The following PUDP variants were observed in gnomAD, a reference collection of about 807,000 sequenced individuals.
The protein encoded by PUDP is pseudouridine-5'-phosphatase.
In PUDP, 8 loss-of-function variants were observed where a neutral mutation model predicts 9.4. The observed-to-expected ratio is 0.85, with a 90% confidence interval of 0.50 to 1.53. The LOEUF (loss-of-function observed/expected upper bound fraction) is 1.53. Ranked by LOEUF, PUDP falls within the 40% of genes most tolerant of loss-of-function variation. The probability of loss-of-function intolerance (pLI) is 0.00; values close to 1 mark genes in which losing one functional copy is unlikely to be tolerated. For missense variants in PUDP, 188 were observed against 189.7 expected (o/e 0.99, Z 0.05); for synonymous variants, 99 against 80.7 (o/e 1.23, Z -1.22).
chrX:6,980,032 G>A (rs1215314083), intron 1 of PUDP, among the ~76,000 whole-genome samples: 5 of 110,137 alleles, frequency 4.5e-5, no homozygotes, highest in Non-Finnish European at 9.5e-5. Context: ...CATAGTACCC[G>A]ATAGGTAGTT....
intron 1 of PUDP, among the ~76,000 whole-genome samples, chrX:7,035,488 T>C (rs961981212): frequency 1.8e-5 from 2 of 111,879 alleles, no homozygotes; most frequent in Non-Finnish European, 3.8e-5. Context: ...GCACTTGCTA[T>C]TTTATTTTTA....
chrX:6,752,699 G>A (rs756171344), intron 3 of PUDP, among the ~76,000 whole-genome samples: 1 of 110,672 alleles, frequency 9.0e-6, no homozygotes, highest in Non-Finnish European at 1.9e-5. Flanking sequence ...GGGAAGGATA[G>A]GAATGTTTCC....
intron 1 of PUDP, among the ~76,000 whole-genome samples, chrX:7,120,416 A>G (rs1032608090): frequency 1.3e-4 from 14 of 111,012 alleles, no homozygotes; most frequent in African/African-American, 4.6e-4. Flanking sequence ...GGAAACAGCC[A>G]ATACCCCACA....
chrX:7,047,679 A>G (rs1930001675), downstream of PUDP, among the ~76,000 whole-genome samples: 1 of 112,391 alleles, frequency 8.9e-6, no homozygotes, highest in Non-Finnish European at 1.9e-5. Context: ...TTCTCTTTTT[A>G]GAAGATAATA....
chrX:6,905,881 C>T (rs12006786), intron 3 of PUDP, among the ~76,000 whole-genome samples: 12,637 of 111,315 alleles, frequency 0.11, 793 homozygotes, highest in East Asian at 0.34. Context: ...AATGCACTTA[C>T]GCCCTAAGCC....
rs773610702 is a variant in PUDP, at chrX:6,838,958, G to T, written c.*248-132492C>A. The stretch of plus-strand genomic sequence containing the variant: ...TTCTTCCTTAAACATTCTTGAAATA[G>T]CACAGACTCCCTTTCTGTCAGCCAT... On this transcript the variant is annotated intron_variant and NMD_transcript_variant, in intron 3 of 3. Transcript: ENST00000655425. 1.4e-4 allele frequency among the ~76,000 whole-genome samples: 16 copies of T among 112,017 alleles called. No individual in the cohort carries two copies. The East Asian group carries it at 4.0e-3, about 28-fold the overall frequency.
intron 3 of PUDP, among the ~76,000 whole-genome samples, chrX:6,812,248 T>C (rs1163969149): frequency 8.9e-6 from 1 of 112,015 alleles, no homozygotes; most frequent in Admixed American, 9.5e-5. Context: ...CAACAAACAC[T>C]GCAAAGAGCT....
Position 6,752,014 on chromosome X carries a change from T to C in PUDP, c.*248-45548A>G, listed in dbSNP as rs761860812. Among the ~76,000 whole-genome samples, 3 of 111,352 alleles carry C rather than the reference T, an allele frequency of 2.7e-5. No homozygotes were observed. In the South Asian group the frequency reaches 1.2e-3, roughly 43 times the overall value. On this transcript the variant is annotated intron_variant and NMD_transcript_variant, in intron 3 of 3. Transcript: ENST00000655425. ...TGTTTCATCTCATCATTTCCTAAATTCCTCTTCTTCAGTCCCTAGCAGGCA... is the reference window on the plus strand; with the variant it reads ...TGTTTCATCTCATCATTTCCTAAATCCCTCTTCTTCAGTCCCTAGCAGGCA...
chrX:6,823,996 ATC>A (rs1345198096), intron 3 of PUDP, among the ~76,000 whole-genome samples: 1 of 112,197 alleles, frequency 8.9e-6, no homozygotes, highest in Non-Finnish European at 1.9e-5. Flanking sequence ...CGGCTTCTTT[ATC>A]TGTTTTATCA....
chrX:7,117,158 A>C (rs891594554), intron 1 of PUDP: 1 of 985,202 alleles, frequency 1.0e-6, no homozygotes, highest in Non-Finnish European at 1.3e-6. Context: ...GTGTTGCTAC[A>C]AGGATACCTG....
At chrX:6,882,832 T>C (rs1927368731) in intron 3 of PUDP, among the ~76,000 whole-genome samples, 1 of 110,613 alleles carries the variant, frequency 9.0e-6, no homozygotes, top group Admixed American at 9.6e-5. Flanking sequence ...CTGGGTTGGG[T>C]CGCTATGTCT....
intron 3 of PUDP, among the ~76,000 whole-genome samples, chrX:6,843,672 A>G (rs1288087876): frequency 8.9e-6 from 1 of 111,825 alleles, no homozygotes; most frequent in African/African-American, 3.3e-5. Context: ...TCTGACGTGG[A>G]AATCTCCACC....
intron 3 of PUDP, among the ~76,000 whole-genome samples, chrX:6,960,284 AC>A (rs762294314): frequency 8.9e-6 from 1 of 112,549 alleles, no homozygotes; most frequent in East Asian, 2.8e-4. Context: ...AATAGGCGGG[AC>A]CTTTAAGAGG....
At chrX:6,739,242 G>A (rs1924908719) in intron 3 of PUDP, among the ~76,000 whole-genome samples, 1 of 111,306 alleles carries the variant, frequency 9.0e-6, no homozygotes, top group Non-Finnish European at 1.9e-5. Context: ...TGCTGAAATC[G>A]TGCACATGGA....
intron 3 of PUDP, among the ~76,000 whole-genome samples, chrX:6,795,838 A>G (rs1006830045): frequency 8.9e-6 from 1 of 111,809 alleles, no homozygotes; most frequent in South Asian, 3.8e-4. Context: ...ACTTAGAGGT[A>G]TAACCAACCA....
chrX:7,132,474 T>C (rs1932646904), intron 1 of PUDP, among the ~76,000 whole-genome samples: 1 of 111,637 alleles, frequency 9.0e-6, no homozygotes, highest in Non-Finnish European at 1.9e-5. Flanking sequence ...ATCAGGTTGC[T>C]GTCAGAGAAG....
chrX:6,921,348 C>T (rs1421028347), intron 3 of PUDP, among the ~76,000 whole-genome samples: 1 of 110,162 alleles, frequency 9.1e-6, no homozygotes, highest in African/African-American at 3.3e-5. Context: ...CATGCCACTG[C>T]ACTCCAGCCT....
At chrX:6,912,527 C>T (rs1602670153) in intron 3 of PUDP, among the ~76,000 whole-genome samples, 1 of 111,979 alleles carries the variant, frequency 8.9e-6, no homozygotes, top group East Asian at 2.8e-4. Context: ...CACATTTTCT[C>T]CTTGAGTCTA....
chrX:6,933,420 G>A (rs1039286353), intron 3 of PUDP, among the ~76,000 whole-genome samples: 2 of 111,411 alleles, frequency 1.8e-5, no homozygotes, highest in African/African-American at 6.5e-5. Context: ...CTGCAGCTGA[G>A]GGTCCTGTCT....
Sources: gnomAD v4.1 joint callset for allele counts (sites outside exome capture counted in the v4.1 genomes callset) on GRCh38, gnomAD v4.1.1 for gene constraint, MANE v1.5 for transcripts, NCBI Gene and HGNC (gene_info 2026-07-23, HGNC 2026-07-21) for gene names.